The following PTPRN2 variants were observed in gnomAD, a reference collection of about 807,000 sequenced individuals.
PTPRN2 encodes receptor-type tyrosine-protein phosphatase N2.
In PTPRN2, 74 loss-of-function variants were observed where a neutral mutation model predicts 118.8. That is an observed-to-expected ratio of 0.62 (90% CI 0.52 to 0.76). PTPRN2 has a LOEUF of 0.76. PTPRN2 is among the 30% of genes least tolerant of loss of function. The pLI is 0.00. For missense variants in PTPRN2, 1,481 were observed against 1,394.4 expected (o/e 1.06, Z -0.99); for synonymous variants, 641 against 608.0 (o/e 1.05, Z -0.80).
In PTPRN2 at chr7:157,729,989, T is replaced by C. The variant is rs957662987; in HGVS notation, c.1789-47052A>G. Among the ~76,000 whole-genome samples, 2 of 152,190 alleles carry C rather than the reference T, an allele frequency of 1.3e-5. No homozygotes were observed. Among genetic ancestry groups the C allele is most frequent in the African/African-American group, 2.4e-5 (1 of 41,454 alleles). On this transcript the variant is annotated intron_variant, in intron 12 of 22. Transcript: ENST00000389418. This position sits in a 1 kb window ranked among gnomAD's most constrained non-coding sequence, Gnocchi z 4.3. ...TCTCCAGGGAGCAGAAACCACAAGA[T>C]AGACATGGCCCATTGTGCTCGAGGG...
chr7:158,170,466 C>G (rs1237652919), intron 5 of PTPRN2, among the ~76,000 whole-genome samples: 3 of 152,230 alleles, frequency 2.0e-5, no homozygotes, highest in Non-Finnish European at 4.4e-5. Context: ...ACAATCACAG[C>G]AGAGTGTGAT....
chr7:158,559,038 C>T (rs554616763), intron 1 of PTPRN2, among the ~76,000 whole-genome samples: 20 of 152,286 alleles, frequency 1.3e-4, no homozygotes, highest in African/African-American at 4.8e-4. Flanking sequence ...CAAACCCAGA[C>T]CCAGTGAGGC....
intron 12 of PTPRN2, among the ~76,000 whole-genome samples, chr7:157,811,332 T>TATATATATATATATA (rs1806024856): frequency 1.5e-5 from 2 of 131,296 alleles, no homozygotes; most frequent in African/African-American, 5.7e-5. Context: ...ATCTACTCTA[T>TATATATATATATATA]TATATATATA....
At chr7:157,608,747 C>T (rs545537330) in intron 15 of PTPRN2, among the ~76,000 whole-genome samples, 7 of 152,224 alleles carry the variant, frequency 4.6e-5, no homozygotes, top group Middle Eastern at 3.4e-3. Flanking sequence ...CAGGCCCACG[C>T]GCAATCAGCC....
Position 158,136,652 on chromosome 7 carries a change from T to C in PTPRN2, c.1173+3A>G. On this transcript the variant is annotated splice_donor_region_variant and intron_variant, in intron 8 of 22. Transcript: ENST00000389418. ...GAAACAAACACCAGAGACGTCATCT[T>C]ACCTCTTGGTAAAGTCTATCATCGT... is the stretch of plus-strand genomic sequence containing the variant. 6.2e-7 allele frequency: 1 copy of C among 1,612,908 alleles called. No homozygotes were observed. The highest frequency in any genetic ancestry group is 1.3e-5 in the African/African-American group (1 of 75,020).
intron 11 of PTPRN2, among the ~76,000 whole-genome samples, chr7:157,982,624 G>C (rs1443929826): frequency 1.4e-5 from 2 of 138,158 alleles, no homozygotes; most frequent in African/African-American, 2.8e-5. Flanking sequence ...CCTAAACCCC[G>C]AGTCACAGAG....
chr7:157,836,899 C>A (rs895408178), intron 12 of PTPRN2, among the ~76,000 whole-genome samples: 1 of 151,742 alleles, frequency 6.6e-6, no homozygotes, highest in Admixed American at 6.6e-5. Context: ...CTTACTCATC[C>A]ATCTACCCAC....
At chr7:158,471,555 G>A (rs1027153505) in intron 2 of PTPRN2, among the ~76,000 whole-genome samples, 8 of 152,144 alleles carry the variant, frequency 5.3e-5, no homozygotes, top group Admixed American at 1.3e-4. Context: ...GGGTGTGGTG[G>A]CAGGTGCCTG....
chr7:158,269,938 A>G (rs1798197437), intron 3 of PTPRN2, among the ~76,000 whole-genome samples: 3 of 152,170 alleles, frequency 2.0e-5, no homozygotes, highest in Admixed American at 6.5e-5. Flanking sequence ...AGAGATAGAG[A>G]GACACAGGGA....
chr7:158,277,338 C>T (rs1185418441), intron 3 of PTPRN2, among the ~76,000 whole-genome samples: 1 of 152,224 alleles, frequency 6.6e-6, no homozygotes, highest in Non-Finnish European at 1.5e-5. Flanking sequence ...GTCAGGGCTT[C>T]AGCCACTCCA....
At position 157,982,164 on chromosome 7, in the gene PTPRN2, ATG is replaced by A. The variant is rs1803256981; in HGVS notation, c.1724-83429_1724-83428del. Among the ~76,000 whole-genome samples the A allele has an allele frequency of 5.2e-4, 64 of 123,018 alleles. 2 individuals are homozygous for A. Among genetic ancestry groups the A allele is most frequent in the East Asian group, 9.9e-4 (4 of 4,060 alleles). The allele number at this position is 123,018 out of a possible 152,430, so 80.7% of individuals were successfully genotyped here. A position where few individuals can be genotyped will look rare whatever the true frequency, so the allele number is the denominator to read the frequency against. On this transcript the variant is annotated intron_variant, in intron 11 of 22. Coordinates refer to ENST00000389418, the MANE Select transcript of PTPRN2 (RefSeq NM_002847.5). ...CCCCCATAAACCCCGAGTCACAGAGATGAGGAGGGGAATGCAGAGTGCAGGGT... is the reference window on the plus strand; with the variant it reads ...CCCCCATAAACCCCGAGTCACAGAGAAGGAGGGGAATGCAGAGTGCAGGGT...
chr7:158,483,704 T>C (rs998795107), intron 2 of PTPRN2, among the ~76,000 whole-genome samples: 3 of 152,222 alleles, frequency 2.0e-5, no homozygotes, highest in Non-Finnish European at 4.4e-5. Context: ...TAACCCCTTA[T>C]TAAAGAAATG....
chr7:157,565,730 A>G (rs1186544219), intron 21 of PTPRN2, among the ~76,000 whole-genome samples: 1 of 152,212 alleles, frequency 6.6e-6, no homozygotes, highest in Non-Finnish European at 1.5e-5. Context: ...CACTGACAAA[A>G]AAGTAAAAGG....
intron 3 of PTPRN2, among the ~76,000 whole-genome samples, chr7:158,252,864 T>C (rs12670893): frequency 0.58 from 87,621 of 151,530 alleles, 25,763 homozygotes; most frequent in Non-Finnish European, 0.64. Context: ...ATGGGGAGAT[T>C]AACATGCCGG....
rs139780227 is a variant in PTPRN2, at chr7:158,574,392, G to A, written c.112+13166C>T. ...GAATTTTTTATTATAAACATACAAT[G>A]AGTTCAGTAGAGCACATATATAACT... On this transcript the variant is annotated intron_variant, in intron 1 of 22. Transcript: ENST00000389418. The surrounding 1 kb of genome is among the most constrained non-coding windows in gnomAD (Gnocchi z 4.6). 1.3e-3 allele frequency among the ~76,000 whole-genome samples: 198 copies of A among 152,282 alleles called. No individual in the cohort carries two copies. The highest frequency in any genetic ancestry group is 4.6e-3 in the African/African-American group (192 of 41,554).
chr7:157,572,765 A>G (rs539985987), intron 19 of PTPRN2, among the ~76,000 whole-genome samples: 43 of 152,358 alleles, frequency 2.8e-4, no homozygotes, highest in African/African-American at 1.0e-3. Flanking sequence ...GCCACAGCCT[A>G]GCCAGGACGC....
intron 11 of PTPRN2, among the ~76,000 whole-genome samples, chr7:158,073,650 A>C (rs956443652): frequency 2.7e-5 from 4 of 149,546 alleles, no homozygotes; most frequent in African/African-American, 1.0e-4. Flanking sequence ...CTTCCTACTA[A>C]GGTATAAAGA....
intron 3 of PTPRN2, among the ~76,000 whole-genome samples, chr7:158,219,440 C>T (rs571226586): frequency 1.3e-5 from 2 of 151,794 alleles, no homozygotes; most frequent in East Asian, 1.9e-4. Context: ...AAGTTTATAA[C>T]ACTAAACAAC....
rs1396306381 is a variant in PTPRN2 at position 157,944,916 on chromosome 7, A to T, written c.1724-46179T>A. Among the ~76,000 whole-genome samples the T allele has an allele frequency of 6.6e-6, 1 of 152,226 alleles. No individual in the cohort carries two copies. The highest frequency in any genetic ancestry group is 1.5e-5 in the Non-Finnish European group (1 of 68,032). ...AACTCCTGAATCCTGCCTAGTATTT[A>T]TACAGTAAACAGAGACTCTGAAATA... On this transcript the variant is annotated intron_variant, in intron 11 of 22. Coordinates refer to ENST00000389418, the MANE Select transcript of PTPRN2 (RefSeq NM_002847.5). This position sits in a 1 kb window ranked among gnomAD's most constrained non-coding sequence, Gnocchi z 4.3.
Sources: allele counts gnomAD v4.1 joint callset (sites outside exome capture counted in the v4.1 genomes callset), GRCh38; gene constraint gnomAD v4.1.1; non-coding constraint Gnocchi (gnomAD v3.1); transcripts MANE v1.5; gene names NCBI Gene and HGNC (gene_info 2026-07-23, HGNC 2026-07-21).